USP13: variants seen among roughly 807,000 people sequenced by gnomAD.
The protein encoded by USP13 is ubiquitin carboxyl-terminal hydrolase 13.
A neutral mutation model predicts 107.8 loss-of-function variants in USP13; 68 were observed. The ratio of observed to expected loss-of-function variants is 0.63; its 90% CI spans 0.52 to 0.77. The LOEUF is 0.77. Among genes scored for constraint, USP13 ranks in the 30% least tolerant of loss-of-function variants. USP13 has a pLI of 0.00. For missense variants in USP13, 945 were observed against 1,093.3 expected (o/e 0.86, Z 1.91); for synonymous variants, 377 against 389.5 (o/e 0.97, Z 0.38).
intron 3 of USP13, among the ~76,000 whole-genome samples, chr3:179,700,429 A>C (rs6785332): frequency 0.18 from 26,735 of 152,154 alleles, 2,611 homozygotes; most frequent in Non-Finnish European, 0.2. Context: ...TGTATAAACT[A>C]TGTGAGATAC....
chr3:179,684,991 T>G (rs1711818274), intron 2 of USP13, among the ~76,000 whole-genome samples: 1 of 152,198 alleles, frequency 6.6e-6, no homozygotes, highest in Non-Finnish European at 1.5e-5. Context: ...GGGCAGGGAC[T>G]TTCTTTGGTT....
intron 5 of USP13, among the ~76,000 whole-genome samples, chr3:179,707,570 C>T (rs1712769430): frequency 6.6e-6 from 1 of 152,202 alleles, no homozygotes; most frequent in Non-Finnish European, 1.5e-5. Context: ...CAGCTTCCTA[C>T]CCTTTCTTGT....
chr3:179,689,581 C>G (rs1000201983), intron 2 of USP13, among the ~76,000 whole-genome samples: 8 of 151,822 alleles, frequency 5.3e-5, no homozygotes, highest in African/African-American at 1.7e-4. Flanking sequence ...TCGCTTGAAC[C>G]CAGGAGGCGG....
intron 1 of USP13, among the ~76,000 whole-genome samples, chr3:179,662,399 T>C (rs1378066973): frequency 2.6e-5 from 4 of 152,320 alleles, no homozygotes; most frequent in African/African-American, 9.6e-5. Context: ...TTGCCAGTTC[T>C]GGAGTCTTTT....
intron 5 of USP13, 70 bp downstream of exon 5, chr3:179,707,146 C>G: frequency 1.3e-6 from 2 of 1,501,198 alleles, no homozygotes; most frequent in South Asian, 1.4e-5. Context: ...TTTTCTACTT[C>G]TTTTTTGAAT....
intron 1 of USP13, among the ~76,000 whole-genome samples, chr3:179,670,658 C>T (rs963894672): frequency 6.6e-6 from 1 of 151,884 alleles, no homozygotes; most frequent in South Asian, 2.1e-4. Flanking sequence ...AAATTATTGG[C>T]CGGGCGCAGT....
At chr3:179,710,129 T>C (rs538768487) in intron 6 of USP13, among the ~76,000 whole-genome samples, 10 of 152,334 alleles carry the variant, frequency 6.6e-5, no homozygotes, top group African/African-American at 2.4e-4. Flanking sequence ...ATCCTAGCTA[T>C]TGGTACCAAA....
At chr3:179,741,705 G>C (rs999578330) in intron 11 of USP13, among the ~76,000 whole-genome samples, 4 of 152,100 alleles carry the variant, frequency 2.6e-5, no homozygotes, top group African/African-American at 9.7e-5. Flanking sequence ...TCACTTTCCA[G>C]GTCTTATGTT....
intron 6 of USP13, among the ~76,000 whole-genome samples, chr3:179,716,064 A>G (rs1298530383): frequency 6.6e-6 from 1 of 152,166 alleles, no homozygotes; most frequent in Non-Finnish European, 1.5e-5. Context: ...AGCTGGGATT[A>G]CAGGCATGTG....
chr3:179,759,766 C>T (rs545696339), intron 16 of USP13, among the ~76,000 whole-genome samples: 9 of 152,202 alleles, frequency 5.9e-5, no homozygotes, highest in African/African-American at 1.7e-4. Flanking sequence ...CTCTGCCTCC[C>T]GGGTTCAAGC....
intron 1 of USP13, among the ~76,000 whole-genome samples, chr3:179,663,153 C>G (rs1424458050): frequency 6.6e-6 from 1 of 152,174 alleles, no homozygotes; most frequent in Non-Finnish European, 1.5e-5. Flanking sequence ...CTGTTCTCCC[C>G]TTTTCTCAGC....
intron 10 of USP13, among the ~76,000 whole-genome samples, chr3:179,731,852 G>A (rs147300479): frequency 2.0e-3 from 312 of 152,208 alleles, no homozygotes; most frequent in South Asian, 4.4e-3. Context: ...GGGCAGGCTC[G>A]TTCAGTTCTG....
chr3:179,710,734 G>C (rs970653343), intron 6 of USP13, among the ~76,000 whole-genome samples: 4 of 152,336 alleles, frequency 2.6e-5, no homozygotes, highest in East Asian at 1.9e-4. Context: ...GACAAACTTA[G>C]ATGGCATAGC....
chr3:179,742,456 GC>G lies in USP13; in HGVS notation c.1534+109del. 7.2e-7 allele frequency: 1 copy of G among 1,393,332 alleles called. No homozygotes were observed. Among genetic ancestry groups the G allele is most frequent in the Non-Finnish European group, 9.9e-7 (1 of 1,014,360 alleles). 86.3% of individuals were successfully genotyped at this position (1,393,332 alleles called of 1,614,324 possible). A position where few individuals can be genotyped will look rare whatever the true frequency, so the allele number is the denominator to read the frequency against. On this transcript the variant is annotated intron_variant, in intron 12 of 20. Coordinates refer to ENST00000263966, the MANE Select transcript of USP13 (RefSeq NM_003940.3). This position sits in a 1 kb window ranked among gnomAD's most constrained non-coding sequence, Gnocchi z 5.0. ...CTGAAGTGTGTCAGGAGTAGACCCA[GC>G]CCAGGTGATGTCTGCTTTGCACATC...
chr3:179,760,181 ATT>A (rs1230039714), intron 16 of USP13, among the ~76,000 whole-genome samples: 2 of 151,808 alleles, frequency 1.3e-5, no homozygotes, highest in Non-Finnish European at 2.9e-5. Flanking sequence ...ATACACACAG[ATT>A]TACACATACA....
In USP13 at chr3:179,740,333, T is replaced by C. The variant is rs772978678; in HGVS notation, c.1341T>C (p.Asp447=). The C allele has an allele frequency of 1.9e-6, 3 of 1,614,140 alleles. No homozygotes were observed. The highest frequency in any genetic ancestry group is 2.5e-6 in the Non-Finnish European group (3 of 1,180,022). ...AATTCTCCTCTAACAGGCAGCAAGATGCCCAGGAATTCTTCTTGCACCTGG... is the reference window on the plus strand; with the variant it reads ...AATTCTCCTCTAACAGGCAGCAAGACGCCCAGGAATTCTTCTTGCACCTGG... ...HPEFSSNRQQ[D]AQEFFLHLVN... The change falls in exon 11 of 21, where the codon GAT becomes GAC. Residue 447 remains aspartate (D), a synonymous_variant. Transcript: ENST00000263966.
In USP13 at chr3:179,684,821, T is replaced by A. The variant is rs182555467; in HGVS notation, c.294+2818T>A. ...GCTGTGGTTGAAGCCATATTTATTT[T>A]TTTTTCCAGAATTTTCCTGGGTATT... On this transcript the variant is annotated intron_variant, in intron 2 of 20. Transcript: ENST00000263966. 1.9e-3 allele frequency among the ~76,000 whole-genome samples: 289 copies of A among 152,280 alleles called. 3 individuals carry two copies. The highest frequency in any genetic ancestry group is 6.6e-3 in the African/African-American group (273 of 41,572).
chr3:179,742,101 G>T lies in USP13; in HGVS notation c.1381-96G>T, dbSNP rs904648000. 3 of 1,469,294 alleles carry T rather than the reference G, an allele frequency of 2.0e-6. No homozygotes were observed. In the African/African-American group the frequency reaches 4.2e-5, roughly 21 times the overall value. The allele number at this position is 1,469,294 out of a possible 1,614,324, so 91.0% of individuals were successfully genotyped here. Reference sequence around the variant, plus strand: ...ATGGCCAGAGGAAATGTTTAATAAAGCCAAGTGTTTACACCGGGTTTAGAG... The same window carrying T: ...ATGGCCAGAGGAAATGTTTAATAAATCCAAGTGTTTACACCGGGTTTAGAG... On this transcript the variant is annotated intron_variant, in intron 11 of 20. Coordinates refer to ENST00000263966, the MANE Select transcript of USP13 (RefSeq NM_003940.3). The surrounding 1 kb of genome is among the most constrained non-coding windows in gnomAD (Gnocchi z 5.0).
intron 14 of USP13, among the ~76,000 whole-genome samples, chr3:179,753,465 A>G (rs1341100958): frequency 6.6e-6 from 1 of 152,206 alleles, no homozygotes; most frequent in Non-Finnish European, 1.5e-5. Context: ...AAGGCTTTGA[A>G]TTGCCTTGGA....
Sources: allele counts gnomAD v4.1 joint callset (sites outside exome capture counted in the v4.1 genomes callset), GRCh38; gene constraint gnomAD v4.1.1; non-coding constraint Gnocchi (gnomAD v3.1); transcripts MANE v1.5; gene names NCBI Gene and HGNC (gene_info 2026-07-23, HGNC 2026-07-21).